SLC39A12: variants seen among roughly 807,000 people sequenced by gnomAD.
The protein encoded by SLC39A12 is solute carrier family 39 member 12.
A neutral mutation model predicts 71.1 loss-of-function variants in SLC39A12; 63 were observed. The ratio of observed to expected loss-of-function variants is 0.89; its 90% CI spans 0.72 to 1.09. The LOEUF (loss-of-function observed/expected upper bound fraction) is 1.09, where lower values mean the gene tolerates loss of function less well. SLC39A12 is among the 50% of genes least tolerant of loss of function. The probability of loss-of-function intolerance (pLI) is 0.00; values close to 1 mark genes in which losing one functional copy is unlikely to be tolerated. For missense variants in SLC39A12, 892 were observed against 812.6 expected (o/e 1.10, Z -1.19); for synonymous variants, 351 against 301.3 (o/e 1.16, Z -1.71).
chr10:17,956,373 A>C (rs1419638346), intron 2 of SLC39A12, among the ~76,000 whole-genome samples: 1 of 152,170 alleles, frequency 6.6e-6, no homozygotes, highest in African/African-American at 2.4e-5. Context: ...TCTCATGGAC[A>C]TACATGTACT....
intron 3 of SLC39A12, among the ~76,000 whole-genome samples, chr10:17,962,411 C>T (rs548946256): frequency 7.9e-5 from 12 of 152,270 alleles, no homozygotes; most frequent in Admixed American, 5.2e-4. Context: ...CTCCTCTCTC[C>T]CAGCTCCCAC....
At chr10:17,981,513 G>A (rs767875559) in intron 6 of SLC39A12, 30 bp downstream of exon 6, 1 of 1,571,872 alleles carries the variant, frequency 6.4e-7, no homozygotes, top group Non-Finnish European at 8.7e-7. Context: ...TCAGAAAGCT[G>A]ATGTGCACAA....
At chr10:17,974,375 C>G (rs1185449162) in intron 4 of SLC39A12, among the ~76,000 whole-genome samples, 1 of 152,186 alleles carries the variant, frequency 6.6e-6, no homozygotes, top group Admixed American at 6.5e-5. Context: ...GTAGTCATCA[C>G]TGTCTGGGCT....
chr10:18,035,020 G>A (rs1374026340), intron 12 of SLC39A12, among the ~76,000 whole-genome samples: 2 of 149,268 alleles, frequency 1.3e-5, no homozygotes, highest in African/African-American at 4.9e-5. Flanking sequence ...GAGATCCGCT[G>A]TTAGTCTGAT....
chr10:18,029,214 C>A (rs1286633689), intron 12 of SLC39A12, among the ~76,000 whole-genome samples: 1 of 152,116 alleles, frequency 6.6e-6, no homozygotes, highest in East Asian at 1.9e-4. Context: ...TTCAGAAATG[C>A]TACTTAGCAG....
At chr10:18,024,219 G>C (rs554572597) in intron 12 of SLC39A12, among the ~76,000 whole-genome samples, 3 of 152,162 alleles carry the variant, frequency 2.0e-5, no homozygotes, top group African/African-American at 7.2e-5. Context: ...GGTTGCAAGA[G>C]AGCCTGGCTT....
chr10:17,978,983 G>A (rs927750204), intron 5 of SLC39A12, among the ~76,000 whole-genome samples: 6 of 151,744 alleles, frequency 4.0e-5, no homozygotes, highest in African/African-American at 1.5e-4. Flanking sequence ...CAAGTGTAGA[G>A]CCCAGAACTC....
intron 10 of SLC39A12, among the ~76,000 whole-genome samples, chr10:17,998,504 G>A (rs990889132): frequency 2.0e-5 from 3 of 152,032 alleles, no homozygotes; most frequent in African/African-American, 7.2e-5. Context: ...AGCATTATTG[G>A]TTTCTGAGAG....
intron 12 of SLC39A12, among the ~76,000 whole-genome samples, chr10:18,036,766 A>T (rs867107303): frequency 2.6e-4 from 4 of 15,190 alleles, no homozygotes; most frequent in African/African-American, 6.4e-4. Context: ...ATATATATAT[A>T]TATATATATA....
chr10:17,959,799 C>T (rs972439318), intron 2 of SLC39A12, among the ~76,000 whole-genome samples: 1 of 152,162 alleles, frequency 6.6e-6, no homozygotes, highest in Non-Finnish European at 1.5e-5. Flanking sequence ...AAGTAAACTT[C>T]TCAGATTGCA....
At chr10:18,036,765 TATATATATATATATATATATATATATATA>T (rs1837043215) in intron 12 of SLC39A12, among the ~76,000 whole-genome samples, 6 of 15,404 alleles carry the variant, frequency 3.9e-4, no homozygotes, top group East Asian at 1.7e-3. Flanking sequence ...TATATATATA[TATATATATATATATATATATATATATATA>T]TTTTTTTTTT....
chr10:18,038,527 G>A (rs1022255508), intron 12 of SLC39A12, among the ~76,000 whole-genome samples: 2 of 152,108 alleles, frequency 1.3e-5, no homozygotes, highest in African/African-American at 2.4e-5. Flanking sequence ...GTGTGTGCCT[G>A]TAATCCCAGC....
rs1417608367 is a variant in SLC39A12 at position 17,965,561 on chromosome 10, T to C, written c.622T>C (p.Leu208=). ...TGCTAATGAAAGTACGCTTCCTCAG[T>C]TGGCAGCCATGATCATTACTTTGTC... The part of the protein sequence containing the change: ...EGANESTLPQ[L]AAMIITLSLQ... Residue 208 remains leucine (L), a synonymous_variant, in exon 4 of 13, where the codon TTG becomes CTG. Coordinates refer to ENST00000377369, the MANE Select transcript of SLC39A12 (RefSeq NM_001145195.2). 6.2e-7 allele frequency: 1 copy of C among 1,614,094 alleles called. No homozygotes were observed. The highest frequency in any genetic ancestry group is 8.5e-7 in the Non-Finnish European group (1 of 1,180,034).
At chr10:18,042,346 G>A (rs1426717686) in intron 12 of SLC39A12, among the ~76,000 whole-genome samples, 1 of 151,514 alleles carries the variant, frequency 6.6e-6, no homozygotes, top group East Asian at 2.0e-4. Flanking sequence ...GGGTGCAATG[G>A]CACGCACCTG....
At chr10:17,986,057 C>T (rs577436224) in intron 6 of SLC39A12, among the ~76,000 whole-genome samples, 43 of 152,280 alleles carry the variant, frequency 2.8e-4, no homozygotes, top group African/African-American at 7.9e-4. Context: ...TCTTCCAAAA[C>T]GTGTACTCAT....
intron 4 of SLC39A12, among the ~76,000 whole-genome samples, chr10:17,967,612 G>A (rs1008360403): frequency 5.3e-5 from 8 of 151,918 alleles, no homozygotes; most frequent in East Asian, 1.9e-4. Context: ...GGCCGGGCGC[G>A]GTGGCTCACG....
intron 2 of SLC39A12, among the ~76,000 whole-genome samples, chr10:17,956,303 G>C (rs1834548049): frequency 6.6e-6 from 1 of 152,146 alleles, no homozygotes; most frequent in African/African-American, 2.4e-5. Flanking sequence ...GTGCTCCTCA[G>C]GGAGATCTCT....
At chr10:17,994,487 T>A (rs1049540723) in intron 9 of SLC39A12, among the ~76,000 whole-genome samples, 5 of 152,190 alleles carry the variant, frequency 3.3e-5, no homozygotes, top group Admixed American at 3.3e-4. Flanking sequence ...TTACTTTACA[T>A]AATGTGACAA....
chr10:17,993,919 T>A (rs947291039), intron 9 of SLC39A12, among the ~76,000 whole-genome samples: 5 of 152,214 alleles, frequency 3.3e-5, no homozygotes, highest in African/African-American at 1.2e-4. Context: ...CCCTGCCTCC[T>A]GGAACCATGG....
Sources: allele counts gnomAD v4.1 joint callset (sites outside exome capture counted in the v4.1 genomes callset), GRCh38; gene constraint gnomAD v4.1.1; transcripts MANE v1.5; gene names NCBI Gene and HGNC (gene_info 2026-07-23, HGNC 2026-07-21).